The following BABAM2 variants were observed in gnomAD, a reference collection of about 807,000 sequenced individuals.
BABAM2 encodes the protein BRISC and BRCA1 A complex member 2, also known as BRISC and BRCA1-A complex member 2.
Under a neutral mutation model 54.7 loss-of-function variants are expected in BABAM2, and 31 were observed. The observed-to-expected ratio is 0.57, with a 90% CI of 0.43 to 0.77. The LOEUF is 0.77. Ranked by LOEUF, BABAM2 falls within the 30% of genes least tolerant of loss-of-function variation. The pLI is 0.00. For synonymous variants in BABAM2, 167 were observed against 162.9 expected (o/e 1.03, Z -0.19); for missense variants, 364 against 455.8 (o/e 0.80, Z 1.83).
intron 6 of BABAM2, among the ~76,000 whole-genome samples, chr2:28,080,611 TAGA>T: frequency 6.6e-6 from 1 of 152,350 alleles, no homozygotes; most frequent in East Asian, 1.9e-4. Flanking sequence ...GTAATCATGT[TAGA>T]AGAGACCAAT....
intron 10 of BABAM2, among the ~76,000 whole-genome samples, chr2:28,280,897 C>T (rs1413637398): frequency 6.6e-6 from 1 of 152,044 alleles, no homozygotes; most frequent in African/African-American, 2.4e-5. Context: ...GTGAGAGCAG[C>T]TGTTTTATTG....
chr2:28,127,702 G>A (rs1486417395), intron 6 of BABAM2, among the ~76,000 whole-genome samples: 1 of 152,154 alleles, frequency 6.6e-6, no homozygotes, highest in Non-Finnish European at 1.5e-5. Context: ...AGCAGGATGA[G>A]TGATGGCCAG....
intron 4 of BABAM2, among the ~76,000 whole-genome samples, chr2:28,011,525 G>A (rs1377386456): frequency 6.6e-6 from 1 of 152,144 alleles, no homozygotes; most frequent in Admixed American, 6.5e-5. Flanking sequence ...CGACTAAGAG[G>A]AAGAGGGTCT....
At chr2:28,015,609 G>C (rs958960229) in intron 4 of BABAM2, among the ~76,000 whole-genome samples, 1 of 152,180 alleles carries the variant, frequency 6.6e-6, no homozygotes, top group Non-Finnish European at 1.5e-5. Flanking sequence ...TGGCATCTGA[G>C]TGGCTACTGA....
chr2:28,146,899 A>T (rs879424849), intron 7 of BABAM2, among the ~76,000 whole-genome samples: 1 of 152,218 alleles, frequency 6.6e-6, no homozygotes, highest in Non-Finnish European at 1.5e-5. Context: ...CCCCGAAGGG[A>T]GTACTGAAAC....
chr2:28,077,093 A>G (rs1664756952), intron 6 of BABAM2, among the ~76,000 whole-genome samples: 1 of 152,176 alleles, frequency 6.6e-6, no homozygotes. Flanking sequence ...TAGGTTTTAG[A>G]GACAAACACT....
At chr2:28,051,408 C>T (rs111317700) in intron 6 of BABAM2, among the ~76,000 whole-genome samples, 18 of 152,226 alleles carry the variant, frequency 1.2e-4, no homozygotes, top group African/African-American at 4.1e-4. Flanking sequence ...ATTACTTGCC[C>T]AAGACTGTGT....
At chr2:28,145,168 A>G (rs1025462138) in intron 7 of BABAM2, among the ~76,000 whole-genome samples, 37 of 152,234 alleles carry the variant, frequency 2.4e-4, no homozygotes, top group Non-Finnish European at 3.1e-4. Flanking sequence ...TGACTTATAG[A>G]CAGTGTTGGA....
At position 27,894,573 on chromosome 2, in the gene BABAM2, C is replaced by T. The variant is rs1435721551; in HGVS notation, c.17C>T (p.Ala6Val). The change falls in exon 2 of 12, where the codon GCC (alanine) becomes GTC (valine). Residue 6 changes from alanine (A) to valine (V), a missense_variant. Physicochemically the swap from Ala to Val is moderately conservative, Grantham distance 64. Coordinates refer to ENST00000379624, the MANE Select transcript of BABAM2 (RefSeq NM_199191.3). MSPEV[A>V]LNRISPMLSP... Reference sequence around the variant, plus strand: ...CAAGTTAAAATGTCCCCAGAAGTGGCCTTGAACCGAATATCTCCAATGCTC... The same window carrying T: ...CAAGTTAAAATGTCCCCAGAAGTGGTCTTGAACCGAATATCTCCAATGCTC... 1 of 1,614,020 alleles carries T rather than the reference C, an allele frequency of 6.2e-7. No homozygotes were observed. The highest frequency in any genetic ancestry group is 8.5e-7 in the Non-Finnish European group (1 of 1,179,920).
chr2:28,127,953 C>G (rs1186788660), intron 6 of BABAM2, among the ~76,000 whole-genome samples: 3 of 152,004 alleles, frequency 2.0e-5, no homozygotes. Flanking sequence ...ACTACAGGTG[C>G]CCACCACCAC....
At chr2:28,320,451 G>T (rs976037942) in intron 11 of BABAM2, among the ~76,000 whole-genome samples, 4 of 152,270 alleles carry the variant, frequency 2.6e-5, no homozygotes, top group African/African-American at 4.8e-5. Context: ...GAGAAGGGCA[G>T]TGGGAGCCCA....
chr2:28,024,399 C>G (rs1196344242), intron 4 of BABAM2, among the ~76,000 whole-genome samples: 1 of 150,538 alleles, frequency 6.6e-6, no homozygotes. Context: ...GAGCGAGACT[C>G]CATCTCAAAA....
In BABAM2 at chr2:28,038,344, C is replaced by T. The variant is rs972298093; in HGVS notation, c.496-7381C>T. Among the ~76,000 whole-genome samples, 4 of 152,182 alleles carry T rather than the reference C, an allele frequency of 2.6e-5. No individual in the cohort carries two copies. The East Asian group carries it at 5.8e-4, about 22-fold the overall frequency. ...GGAATTTGCTCTCAGAGCACTGTGCCCTTTGATAGCATTTATCACAGGTTA... is the reference window on the plus strand; with the variant it reads ...GGAATTTGCTCTCAGAGCACTGTGCTCTTTGATAGCATTTATCACAGGTTA... On this transcript the variant is annotated intron_variant, in intron 5 of 11. Transcript: ENST00000379624.
chr2:27,898,372 T>A (rs1665509074), intron 2 of BABAM2, among the ~76,000 whole-genome samples: 1 of 152,134 alleles, frequency 6.6e-6, no homozygotes, highest in South Asian at 2.1e-4. Context: ...TGGAATGGGG[T>A]GAGCTTGGAG....
chr2:27,939,546 C>T (rs1668730785), intron 3 of BABAM2, among the ~76,000 whole-genome samples: 1 of 152,144 alleles, frequency 6.6e-6, no homozygotes, highest in African/African-American at 2.4e-5. Context: ...CTTTTGCCAA[C>T]AGAAATTTGA....
intron 3 of BABAM2, among the ~76,000 whole-genome samples, chr2:27,937,903 C>G (rs747799592): frequency 7.9e-5 from 12 of 152,154 alleles, no homozygotes; most frequent in Non-Finnish European, 1.6e-4. Flanking sequence ...CGAGGCATTT[C>G]TCCTATGTTT....
intron 10 of BABAM2, among the ~76,000 whole-genome samples, chr2:28,249,998 A>G (rs1272529865): frequency 1.3e-5 from 2 of 152,232 alleles, no homozygotes; most frequent in Non-Finnish European, 2.9e-5. Context: ...TAACAAATAT[A>G]TACATTCAAA....
intron 4 of BABAM2, chr2:28,016,406 G>A: frequency 7.1e-7 from 1 of 1,409,200 alleles, no homozygotes; most frequent in Non-Finnish European, 1.0e-6. Flanking sequence ...TTTTGGCCCT[G>A]AAGACTGGAT....
chr2:28,083,145 C>T (rs530623477), intron 6 of BABAM2, among the ~76,000 whole-genome samples: 17 of 152,318 alleles, frequency 1.1e-4, no homozygotes, highest in Admixed American at 1.3e-4. Flanking sequence ...TTCATCATCA[C>T]TGCTCTGTTT....
Sources: allele counts gnomAD v4.1 joint callset (sites outside exome capture counted in the v4.1 genomes callset), GRCh38; gene constraint gnomAD v4.1.1; transcripts MANE v1.5; gene names NCBI Gene and HGNC (gene_info 2026-07-23, HGNC 2026-07-21).